Variants in SFXN5 observed in about 807,000 individuals in gnomAD.
The protein encoded by SFXN5 is sideroflexin-5.
In SFXN5, 43 loss-of-function variants were observed where a neutral mutation model predicts 50.2. The observed-to-expected ratio is 0.86, with a 90% CI of 0.67 to 1.11. SFXN5 has a LOEUF of 1.11. SFXN5 is among the 50% of genes least tolerant of loss of function. SFXN5 has a pLI of 0.00. For missense variants in SFXN5, 463 were observed against 454.1 expected (o/e 1.02, Z -0.18); for synonymous variants, 203 against 185.8 (o/e 1.09, Z -0.75).
At chr2:73,045,894 T>C (rs566032184) in intron 2 of SFXN5, among the ~76,000 whole-genome samples, 1 of 152,188 alleles carries the variant, frequency 6.6e-6, no homozygotes, top group East Asian at 1.9e-4. Flanking sequence ...AAGCCCACCC[T>C]ATGAGATGCC....
intron 1 of SFXN5, chr2:73,071,314 C>T (rs1683586248): frequency 2.4e-6 from 1 of 424,334 alleles, no homozygotes; most frequent in South Asian, 3.0e-5. Flanking sequence ...ACCTTGACCG[C>T]AGCCGCCGGT....
chr2:72,945,235 A>C lies in SFXN5; in HGVS notation c.946-136T>G. On this transcript the variant is annotated intron_variant, in intron 13 of 13. Transcript: ENST00000272433. This position sits in a 1 kb window ranked among gnomAD's most constrained non-coding sequence, Gnocchi z 5.8. ...CCCGTGTCCACCCCAGCCAGGGCTCACATGCCCTACCTAGTGACACATCTT... is the reference window on the plus strand; with the variant it reads ...CCCGTGTCCACCCCAGCCAGGGCTCCCATGCCCTACCTAGTGACACATCTT... The C allele has an allele frequency of 2.7e-6, 2 of 747,290 alleles. No individual in the cohort carries two copies. The highest frequency in any genetic ancestry group is 2.3e-6 in the Non-Finnish European group (1 of 437,200). 46.3% of individuals were successfully genotyped at this position (747,290 alleles called of 1,614,324 possible).
At chr2:72,967,108 A>G (rs1674506453) in intron 12 of SFXN5, 1 of 152,236 alleles carries the variant, frequency 6.6e-6, no homozygotes, top group African/African-American at 2.4e-5. Context: ...AGTGGATGAC[A>G]TAGCCTGTCT....
intron 6 of SFXN5, among the ~76,000 whole-genome samples, chr2:73,008,231 A>C (rs1183844518): frequency 1.3e-5 from 2 of 152,214 alleles, no homozygotes; most frequent in African/African-American, 4.8e-5. Flanking sequence ...CAGAAATCGG[A>C]TTTAGACTTA....
chr2:73,059,211 C>T (rs116089822), intron 1 of SFXN5: 3 of 985,680 alleles, frequency 3.0e-6, no homozygotes, highest in African/African-American at 3.5e-5. Flanking sequence ...TTATGCTAAG[C>T]GCAGCCACAG....
At chr2:73,067,492 T>C (rs769826358) in intron 1 of SFXN5, among the ~76,000 whole-genome samples, 1 of 152,250 alleles carries the variant, frequency 6.6e-6, no homozygotes, top group Non-Finnish European at 1.5e-5. Flanking sequence ...TGCAAGATGA[T>C]AACAGAGGAC....
At chr2:73,059,609 T>A (rs984930411) in intron 1 of SFXN5, 1 of 985,160 alleles carries the variant, frequency 1.0e-6, no homozygotes, top group African/African-American at 1.7e-5. Flanking sequence ...CACCTCCATT[T>A]CTCTCCCACC....
chr2:72,968,403 C>G (rs756122617), intron 12 of SFXN5, 45 bp downstream of exon 12: 2 of 1,578,058 alleles, frequency 1.3e-6, no homozygotes, highest in South Asian at 1.1e-5. Flanking sequence ...CCCTCTCCCC[C>G]TCCTCCCCCA....
intron 3 of SFXN5, among the ~76,000 whole-genome samples, chr2:73,026,437 T>G (rs1314088104): frequency 3.3e-5 from 5 of 152,078 alleles, no homozygotes; most frequent in Admixed American, 3.3e-4. Flanking sequence ...TGCCTTGACT[T>G]TAATACAGGC....
At chr2:73,000,626 GT>G in intron 7 of SFXN5, 139 bp from the exon 8 acceptor site, 1 of 797,724 alleles carries the variant, frequency 1.3e-6, no homozygotes, top group Non-Finnish European at 2.0e-6. Context: ...CATGCTGCCG[GT>G]CAGCATGACT....
Position 72,943,418 on chromosome 2 carries a change from G to A in SFXN5, c.*1604C>T, listed in dbSNP as rs1671628383. The A allele has an allele frequency of 6.5e-6, 1 of 152,832 alleles. No individual in the cohort carries two copies. Among genetic ancestry groups the A allele is most frequent in the Non-Finnish European group, 1.5e-5 (1 of 68,346 alleles). 9.5% of individuals were successfully genotyped at this position (152,832 alleles called of 1,614,324 possible). On this transcript the variant is annotated 3_prime_UTR_variant, in exon 14 of 14. Transcript: ENST00000272433. ...GCTTCCATTCTAGGTGGGGTCAGGA[G>A]GGGGCTGCACTGAGGCTGGTGCTTC...
rs114563176 is a variant in SFXN5, at chr2:73,034,306, C to G, written c.249+6548G>C. Among the ~76,000 whole-genome samples the G allele has an allele frequency of 1.0e-2, 1,517 of 152,348 alleles. 9 individuals are homozygous for G. Among genetic ancestry groups the G allele is most frequent in the Non-Finnish European group, 0.016 (1,113 of 68,014 alleles). ...CTTGATGCTAGGAGTCAGGGTAAGACTAGTGGGTCAGCCAAGCCTTCCCTT... is the reference window on the plus strand; with the variant it reads ...CTTGATGCTAGGAGTCAGGGTAAGAGTAGTGGGTCAGCCAAGCCTTCCCTT... On this transcript the variant is annotated intron_variant, in intron 3 of 13. Transcript: ENST00000272433.
At chr2:73,014,606 A>C (rs1344160496) in intron 6 of SFXN5, among the ~76,000 whole-genome samples, 4 of 152,224 alleles carry the variant, frequency 2.6e-5, no homozygotes, top group Non-Finnish European at 5.9e-5. Flanking sequence ...CTGAAATTAC[A>C]TTGAATATAG....
intron 6 of SFXN5, among the ~76,000 whole-genome samples, chr2:73,016,118 C>T (rs985506058): frequency 6.6e-6 from 1 of 152,030 alleles, no homozygotes; most frequent in Non-Finnish European, 1.5e-5. Flanking sequence ...CTTCTTATTG[C>T]TAATGCTGTT....
intron 2 of SFXN5, chr2:73,049,491 G>C (rs1680963985): frequency 6.6e-6 from 1 of 152,210 alleles, no homozygotes; most frequent in Non-Finnish European, 1.5e-5. Context: ...CTGGGCTCAA[G>C]TGATTCTTGA....
At chr2:72,998,613 C>T (rs765679086) in intron 9 of SFXN5, 11 of 308,904 alleles carry the variant, frequency 3.6e-5, no homozygotes, top group African/African-American at 1.3e-4. Flanking sequence ...CCCCCCACCC[C>T]GCTCGCTCCA....
At chr2:72,951,298 A>G (rs1672508066) in intron 13 of SFXN5, among the ~76,000 whole-genome samples, 1 of 151,988 alleles carries the variant, frequency 6.6e-6, no homozygotes, top group African/African-American at 2.4e-5. Context: ...AACCCCGCTC[A>G]GACCTTGCTG....
intron 10 of SFXN5, chr2:72,981,239 TC>T (rs2105518876): frequency 6.6e-6 from 1 of 152,174 alleles, no homozygotes; most frequent in East Asian, 1.9e-4. Context: ...TTAAACAGAC[TC>T]CTTTGTTCTT....
At chr2:73,064,481 A>T (rs1364628404) in intron 1 of SFXN5, among the ~76,000 whole-genome samples, 8 of 152,256 alleles carry the variant, frequency 5.3e-5, no homozygotes, top group Non-Finnish European at 1.0e-4. Flanking sequence ...GCAGCACTAG[A>T]AAAAACTCAC....
Sources: gnomAD v4.1 joint callset for allele counts (sites outside exome capture counted in the v4.1 genomes callset) on GRCh38, gnomAD v4.1.1 for gene constraint, Gnocchi (gnomAD v3.1) non-coding constraint, MANE v1.5 for transcripts, NCBI Gene and HGNC (gene_info 2026-07-23, HGNC 2026-07-21) for gene names.